HIBCH: variants seen among roughly 807,000 people sequenced by gnomAD.
The protein encoded by HIBCH is 3-hydroxyisobutyryl-CoA hydrolase, mitochondrial.
Under a neutral mutation model 58.2 loss-of-function variants are expected in HIBCH, and 50 were observed. The observed-to-expected ratio is 0.86, with a 90% CI of 0.68 to 1.09. The LOEUF (loss-of-function observed/expected upper bound fraction) is 1.09. HIBCH is among the 50% of genes least tolerant of loss of function. The pLI, the probability that HIBCH is intolerant of heterozygous loss-of-function variation, is 0.00. For missense variants in HIBCH, 450 were observed against 449.7 expected, an observed-to-expected ratio of 1.00 and a Z score of -0.01; for synonymous variants, 151 against 146.9, an observed-to-expected ratio of 1.03 and a Z score of -0.20.
chr2:190,308,031 TTCTC>T (rs1020870693), intron 2 of HIBCH, among the ~76,000 whole-genome samples: 11 of 152,172 alleles, frequency 7.2e-5, no homozygotes, highest in South Asian at 4.1e-4. Flanking sequence ...CTCTTTCTCT[TTCTC>T]TCTCTCTGTC....
At position 190,208,887 on chromosome 2, in the gene HIBCH, A is replaced by T. The variant is rs13406709; in HGVS notation, c.1038T>A (p.Val346=). ...TTCCCATTTGCCACTTACCAGCTCT[A>T]ACGCCTTCATGAAAGTCATGACCTC... is the stretch of plus-strand genomic sequence containing the variant. ...CMRGHDFHEG[V]RAVLIDKDQS... The change falls in exon 13 of 14, where the codon GTT becomes GTA. Residue 346 remains valine, a synonymous_variant. Coordinates refer to ENST00000359678, the MANE Select transcript of HIBCH (RefSeq NM_014362.4). 1,755 of 1,613,614 alleles carry T rather than the reference A, an allele frequency of 1.1e-3. 20 individuals are homozygous for T. The African/African-American group carries it at 0.021, about 19-fold the overall frequency.
Position 190,210,606 on chromosome 2 carries a change from A to G in HIBCH, c.1012-1693T>C, listed in dbSNP as rs533647240. Among the ~76,000 whole-genome samples, 1 of 152,278 alleles carries G rather than the reference A, an allele frequency of 6.6e-6. No homozygotes were observed. The highest frequency in any genetic ancestry group is 1.9e-4 in the East Asian group (1 of 5,176). ...GTGGCTTCCCATTTTACTCAGCCAAAGTCCTTAGAGAGACCTTCAAGGCTC... is the reference window on the plus strand; with the variant it reads ...GTGGCTTCCCATTTTACTCAGCCAAGGTCCTTAGAGAGACCTTCAAGGCTC... On this transcript the variant is annotated intron_variant, in intron 12 of 13. Transcript: ENST00000359678. The surrounding 1 kb of genome is among the most constrained non-coding windows in gnomAD (Gnocchi z 5.5).
chr2:190,283,562 C>T (rs549606589), intron 6 of HIBCH, among the ~76,000 whole-genome samples: 5 of 152,202 alleles, frequency 3.3e-5, no homozygotes, highest in East Asian at 1.9e-4. Context: ...ATTTCTTTTG[C>T]GGCACTGAAA....
intron 1 of HIBCH, among the ~76,000 whole-genome samples, chr2:190,193,030 G>A (rs552218511): frequency 1.3e-5 from 2 of 151,978 alleles, no homozygotes; most frequent in Admixed American, 6.6e-5. Context: ...TGGGACTTCC[G>A]GTAAAATATC....
chr2:190,192,813 T>A (rs1324758972), intron 1 of HIBCH, among the ~76,000 whole-genome samples: 2 of 152,224 alleles, frequency 1.3e-5, no homozygotes, highest in African/African-American at 2.4e-5. Flanking sequence ...ATTAATTTCA[T>A]CTTCTGCTAA....
intron 9 of HIBCH, among the ~76,000 whole-genome samples, chr2:190,246,905 C>T (rs558631060): frequency 6.6e-6 from 1 of 151,978 alleles, no homozygotes; most frequent in Non-Finnish European, 1.5e-5. Context: ...CCCTTGATTG[C>T]TTTGGATATA....
rs559381676 is a variant in HIBCH, at chr2:190,255,202, T to C, written c.518-2895A>G. Among the ~76,000 whole-genome samples the C allele has an allele frequency of 2.4e-4, 36 of 152,328 alleles. No homozygotes were observed. The South Asian group carries it at 7.5e-3, about 32-fold the overall frequency. ...CCCATATTTAGGTTTAAATCTTAAC[T>C]CTTCACCAGAGGCCCCCATGTACCC... On this transcript the variant is annotated intron_variant, in intron 7 of 13. Transcript: ENST00000359678.
intron 11 of HIBCH, among the ~76,000 whole-genome samples, chr2:190,219,969 T>C (rs1213749788): frequency 2.6e-5 from 4 of 152,160 alleles, no homozygotes; most frequent in Non-Finnish European, 5.9e-5. Flanking sequence ...TTAACTATAG[T>C]CTTCACCTAA....
chr2:190,209,006 C>G lies in HIBCH; in HGVS notation c.1012-93G>C. ...CCTCTATTCACTTCAGCCTTCCACT[C>G]CCATGGCCACAACCTGAACCATGAC... is the stretch of plus-strand genomic sequence containing the variant. On this transcript the variant is annotated intron_variant, in intron 12 of 13. Transcript: ENST00000359678. The surrounding 1 kb of genome is among the most constrained non-coding windows in gnomAD (Gnocchi z 5.6). 1.0e-5 allele frequency: 11 copies of G among 1,079,584 alleles called. No individual in the cohort carries two copies. Among genetic ancestry groups the G allele is most frequent in the Non-Finnish European group, 1.4e-5 (10 of 717,804 alleles). The allele number at this position is 1,079,584 out of a possible 1,614,324, so 66.9% of individuals were successfully genotyped here.
chr2:190,286,002 C>G (rs1013571590), intron 6 of HIBCH, among the ~76,000 whole-genome samples: 1 of 152,084 alleles, frequency 6.6e-6, no homozygotes, highest in Non-Finnish European at 1.5e-5. Context: ...CCATCACACC[C>G]AACTGATTTT....
chr2:190,192,424 G>C (rs1256706879), intron 1 of HIBCH, among the ~76,000 whole-genome samples: 3 of 149,226 alleles, frequency 2.0e-5, no homozygotes, highest in African/African-American at 7.5e-5. Flanking sequence ...GGCCATTCTA[G>C]TTTGTGTTTC....
intron 13 of HIBCH, 67 bp downstream of exon 13, chr2:190,208,813 T>A (rs1369712800): frequency 7.2e-7 from 1 of 1,387,930 alleles, no homozygotes; most frequent in South Asian, 1.2e-5. Context: ...CTGTATCTTC[T>A]TTAATTAACA....
At position 190,210,030 on chromosome 2, in the gene HIBCH, CCAAT is replaced by C. The variant is rs1690480792; in HGVS notation, c.1012-1121_1012-1118del. 1.3e-5 allele frequency among the ~76,000 whole-genome samples: 2 copies of C among 152,056 alleles called. No homozygotes were observed. The highest frequency in any genetic ancestry group is 4.8e-5 in the African/African-American group (2 of 41,376). On this transcript the variant is annotated intron_variant, in intron 12 of 13. Coordinates refer to ENST00000359678, the MANE Select transcript of HIBCH (RefSeq NM_014362.4). This position sits in a 1 kb window ranked among gnomAD's most constrained non-coding sequence, Gnocchi z 5.5. The stretch of plus-strand genomic sequence containing the variant: ...ATCTTGTTTCTCTATTGGATCATTC[CCAAT>C]CATTTTTAAACATGTTCTAGTACCT...
rs71434688 is a variant in HIBCH, at chr2:190,216,884, C to T, written c.892-3809G>A. On this transcript the variant is annotated intron_variant, in intron 11 of 13. Transcript: ENST00000359678. The surrounding 1 kb of genome is among the most constrained non-coding windows in gnomAD (Gnocchi z 4.2). ...AAAGCCACTAAGTCCCCTCCCAGAG[C>T]GGGACAAACCAGAGACCCTTTGCAG... Among the ~76,000 whole-genome samples, 2,505 of 152,200 alleles carry T rather than the reference C, an allele frequency of 0.016. 76 individuals are homozygous for T. Among genetic ancestry groups the T allele is most frequent in the African/African-American group, 0.055 (2,302 of 41,508 alleles).
intron 6 of HIBCH, among the ~76,000 whole-genome samples, chr2:190,286,181 C>T (rs1234075411): frequency 6.6e-6 from 1 of 152,136 alleles, no homozygotes; most frequent in Non-Finnish European, 1.5e-5. Context: ...GGGCCCCATC[C>T]TATACCTGGA....
intron 11 of HIBCH, among the ~76,000 whole-genome samples, chr2:190,238,366 A>G (rs1345227916): frequency 2.6e-5 from 4 of 152,196 alleles, no homozygotes; most frequent in Admixed American, 6.5e-5. Flanking sequence ...TCTCCATTCT[A>G]ACTGGTGTGA....
At chr2:190,299,791 A>AT (rs1395530004) in intron 2 of HIBCH, among the ~76,000 whole-genome samples, 1 of 151,976 alleles carries the variant, frequency 6.6e-6, no homozygotes, top group East Asian at 1.9e-4. Context: ...CCCAACAGTT[A>AT]TTTTTTTCTG....
intron 9 of HIBCH, among the ~76,000 whole-genome samples, chr2:190,248,885 A>C (rs914606961): frequency 1.3e-5 from 2 of 152,038 alleles, no homozygotes; most frequent in Non-Finnish European, 1.5e-5. Context: ...AAACAAAAAA[A>C]AAACTTATAA....
intron 6 of HIBCH, among the ~76,000 whole-genome samples, chr2:190,272,628 T>C (rs541287608): frequency 2.6e-5 from 4 of 151,606 alleles, no homozygotes; most frequent in Non-Finnish European, 4.4e-5. Flanking sequence ...CTGACCAATA[T>C]GGCCAAAGGA....
Sources: allele counts gnomAD v4.1 joint callset (sites outside exome capture counted in the v4.1 genomes callset), GRCh38; gene constraint gnomAD v4.1.1; non-coding constraint Gnocchi (gnomAD v3.1); transcripts MANE v1.5; gene names NCBI Gene and HGNC (gene_info 2026-07-23, HGNC 2026-07-21).